Variants in MCCC2 observed in about 807,000 individuals in gnomAD.
MCCC2 encodes the protein methylcrotonyl-CoA carboxylase subunit 2.
In MCCC2, 52 loss-of-function variants were observed where a neutral mutation model predicts 77.2. The ratio of observed to expected loss-of-function variants is 0.67; its 90% CI spans 0.54 to 0.85. MCCC2 has a LOEUF of 0.85. Ranked by LOEUF, MCCC2 falls within the 40% of genes least tolerant of loss-of-function variation. The pLI is 0.00. For missense variants in MCCC2, 682 were observed against 703.2 expected (o/e 0.97, Z 0.34); for synonymous variants, 253 against 248.4 (o/e 1.02, Z -0.18).
chr5:71,634,315 C>T (rs954461774), intron 8 of MCCC2, among the ~76,000 whole-genome samples: 1 of 152,224 alleles, frequency 6.6e-6, no homozygotes, highest in Admixed American at 6.5e-5. Context: ...ACTTCCATGG[C>T]CCCTGCCACA....
At chr5:71,635,321 A>G in intron 10 of MCCC2, 75 bp downstream of exon 10, 1 of 1,319,516 alleles carries the variant, frequency 7.6e-7, no homozygotes, top group Non-Finnish European at 1.1e-6. Context: ...TGCAAAGCTA[A>G]AGTTTGTTAA....
chr5:71,653,850 CA>C (rs33938603), intron 16 of MCCC2, among the ~76,000 whole-genome samples: 93,894 of 122,622 alleles, frequency 0.77, 36,038 homozygotes, highest in East Asian at 0.95. Flanking sequence ...GGCCCTATCT[CA>C]AAAAAAAAAA....
At chr5:71,628,522 A>G (rs1397392701) in intron 7 of MCCC2, among the ~76,000 whole-genome samples, 1 of 152,126 alleles carries the variant, frequency 6.6e-6, no homozygotes, top group Admixed American at 6.5e-5. Context: ...TAGCTCTTGC[A>G]TTTGGGTCTG....
Position 71,587,506 on chromosome 5 carries a change from G to C in MCCC2, c.81G>C (p.Ser27=). The change falls in exon 1 of 17, where the codon TCG becomes TCC. Residue 27 remains serine, a synonymous_variant. Coordinates refer to ENST00000340941, the MANE Select transcript of MCCC2 (RefSeq NM_022132.5). ...GGCCGCGCGCCTATCACGGGGACTC[G>C]GTGGCCTCGCTGGGCACCCAGCCGG... ...PAGPRAYHGD[S]VASLGTQPDL... The C allele has an allele frequency of 1.3e-6, 2 of 1,538,160 alleles. No individual in the cohort carries two copies. The highest frequency in any genetic ancestry group is 1.2e-5 in the South Asian group (1 of 84,074).
At chr5:71,647,890 C>T (rs2112465948) in intron 13 of MCCC2, among the ~76,000 whole-genome samples, 1 of 152,126 alleles carries the variant, frequency 6.6e-6, no homozygotes, top group East Asian at 1.9e-4. Flanking sequence ...AAGTGAGATG[C>T]CTCACTCTTC....
At chr5:71,590,364 G>T (rs963931233) in intron 1 of MCCC2, among the ~76,000 whole-genome samples, 1 of 152,196 alleles carries the variant, frequency 6.6e-6, no homozygotes, top group African/African-American at 2.4e-5. Context: ...CACAGATGTT[G>T]CCCAGTCTGT....
intron 8 of MCCC2, among the ~76,000 whole-genome samples, chr5:71,634,147 T>A (rs1746837336): frequency 6.6e-6 from 1 of 152,216 alleles, no homozygotes; most frequent in Non-Finnish European, 1.5e-5. Flanking sequence ...TTCAGGTATG[T>A]ATTTTTGACT....
rs1382093401 is a variant in MCCC2 at position 71,587,416 on chromosome 5, G to C, written c.-10G>C. 20 of 1,533,366 alleles carry C rather than the reference G, an allele frequency of 1.3e-5. No homozygotes were observed. The South Asian group carries it at 2.1e-4, about 16-fold the overall frequency. 95.0% of individuals were successfully genotyped at this position (1,533,366 alleles called of 1,614,324 possible). A position where few individuals can be genotyped will look rare whatever the true frequency, so the allele number is the denominator to read the frequency against. On this transcript the variant is annotated 5_prime_UTR_variant, in exon 1 of 17. Coordinates refer to ENST00000340941, the MANE Select transcript of MCCC2 (RefSeq NM_022132.5). ...AGCGTGGGCCGCTCTCTCGCTCGGT[G>C]CCCGCCGCCATGTGGGCCGTCCTGA...
At chr5:71,635,519 T>A in intron 10 of MCCC2, 1 of 473,456 alleles carries the variant, frequency 2.1e-6, no homozygotes, top group South Asian at 2.0e-5. Flanking sequence ...AGACTCCATG[T>A]CCTGTGCACA....
intron 3 of MCCC2, among the ~76,000 whole-genome samples, chr5:71,599,233 G>C (rs1745326549): frequency 6.6e-6 from 1 of 152,082 alleles, no homozygotes; most frequent in Non-Finnish European, 1.5e-5. Flanking sequence ...AGCTGGTTGT[G>C]GTGGCGCATG....
intron 6 of MCCC2, among the ~76,000 whole-genome samples, chr5:71,609,706 C>T (rs561086971): frequency 8.6e-5 from 13 of 152,022 alleles, no homozygotes; most frequent in Admixed American, 2.6e-4. Flanking sequence ...GTTTTATCTA[C>T]TTTTGGTCTT....
intron 6 of MCCC2, among the ~76,000 whole-genome samples, chr5:71,609,543 C>T (rs1051146820): frequency 4.0e-5 from 6 of 150,126 alleles, no homozygotes; most frequent in African/African-American, 4.9e-5. Flanking sequence ...GTAATTTGAT[C>T]GTCTGAAGCC....
At chr5:71,637,728 G>T (rs990520626) in intron 10 of MCCC2, among the ~76,000 whole-genome samples, 2 of 151,800 alleles carry the variant, frequency 1.3e-5, no homozygotes, top group East Asian at 1.9e-4. Context: ...GTAGAACTTT[G>T]TTTTTTTTCA....
At chr5:71,613,742 A>C (rs955118054) in intron 6 of MCCC2, among the ~76,000 whole-genome samples, 2 of 151,984 alleles carry the variant, frequency 1.3e-5, no homozygotes, top group Non-Finnish European at 2.9e-5. Context: ...TCTCAAGAAA[A>C]TATACATATA....
At chr5:71,626,896 A>G in intron 7 of MCCC2, 143 bp downstream of exon 7, 1 of 799,958 alleles carries the variant, frequency 1.3e-6, no homozygotes, top group Non-Finnish European at 2.1e-6. Flanking sequence ...GTTTTTCAGT[A>G]CAGCTTGGTG....
intron 4 of MCCC2, among the ~76,000 whole-genome samples, chr5:71,600,775 G>A (rs1223928650): frequency 6.6e-6 from 1 of 152,152 alleles, no homozygotes; most frequent in Non-Finnish European, 1.5e-5. Context: ...AATGGTCTTA[G>A]GTATTACTAG....
intron 8 of MCCC2, among the ~76,000 whole-genome samples, chr5:71,632,449 C>G (rs1235014671): frequency 1.3e-5 from 2 of 152,146 alleles, no homozygotes; most frequent in Non-Finnish European, 2.9e-5. Flanking sequence ...GTAGCAGGCA[C>G]TGTTCTGGGT....
rs747652161 is a variant in MCCC2, at chr5:71,604,511, T to C, written c.624+43T>C. 9.9e-6 allele frequency: 14 copies of C among 1,414,860 alleles called. No homozygotes were observed. The Admixed American group carries it at 2.3e-4, about 24-fold the overall frequency. The allele number at this position is 1,414,860 out of a possible 1,614,324, so 87.6% of individuals were successfully genotyped here. The stretch of plus-strand genomic sequence containing the variant: ...AAGTGTACAGTGGTGCTTTTTACTC[T>C]TAAGTATCTTTACGAATTAGGTACT... On this transcript the variant is annotated intron_variant, in intron 6 of 16. Transcript: ENST00000340941.
At chr5:71,650,339 G>T (rs569859258) in intron 15 of MCCC2, among the ~76,000 whole-genome samples, 156 bp downstream of exon 15, 3 of 152,322 alleles carry the variant, frequency 2.0e-5, no homozygotes, top group South Asian at 4.1e-4. Flanking sequence ...CCTGGAAGTT[G>T]TTCCAGCAAA....
Sources: allele counts gnomAD v4.1 joint callset (sites outside exome capture counted in the v4.1 genomes callset), GRCh38; gene constraint gnomAD v4.1.1; transcripts MANE v1.5; gene names NCBI Gene and HGNC (gene_info 2026-07-23, HGNC 2026-07-21).